The following ARHGAP24 variants were observed in gnomAD, a reference collection of about 807,000 sequenced individuals.
The protein encoded by ARHGAP24 is Rho GTPase activating protein 24.
In ARHGAP24, 50 loss-of-function variants were observed where a neutral mutation model predicts 76.4. The observed-to-expected ratio is 0.65, with a 90% CI of 0.52 to 0.83. The LOEUF is 0.83. ARHGAP24 is among the 40% of genes least tolerant of loss of function. The probability of loss-of-function intolerance (pLI) is 0.00; values close to 1 mark genes in which losing one functional copy is unlikely to be tolerated. For missense variants in ARHGAP24, 930 were observed against 914.2 expected (o/e 1.02, Z -0.22); for synonymous variants, 345 against 323.3 (o/e 1.07, Z -0.72).
At chr4:85,911,889 G>A (rs1323278440) in intron 3 of ARHGAP24, among the ~76,000 whole-genome samples, 1 of 152,154 alleles carries the variant, frequency 6.6e-6, no homozygotes, top group Non-Finnish European at 1.5e-5. Context: ...GCAGATACAG[G>A]TTAACATTCT....
At chr4:85,568,159 A>G (rs552747016) in intron 1 of ARHGAP24, among the ~76,000 whole-genome samples, 14 of 152,294 alleles carry the variant, frequency 9.2e-5, no homozygotes, top group Admixed American at 3.3e-4. Flanking sequence ...TATATTATCA[A>G]TGGTAGGTTG....
chr4:85,908,939 T>C (rs1452365708), intron 3 of ARHGAP24, among the ~76,000 whole-genome samples: 2 of 152,176 alleles, frequency 1.3e-5, no homozygotes, highest in East Asian at 1.9e-4. Flanking sequence ...GGGTCATCCC[T>C]ACCTGAGTTT....
intron 2 of ARHGAP24, 168 bp downstream of exon 2, chr4:85,570,889 A>C: frequency 1.3e-6 from 1 of 750,972 alleles, no homozygotes; most frequent in Non-Finnish European, 2.1e-6. Context: ...GGAGATAATA[A>C]AATCGCTAAT....
chr4:85,843,503 TTAAA>T (rs1364620547), intron 3 of ARHGAP24, among the ~76,000 whole-genome samples: 1 of 151,772 alleles, frequency 6.6e-6, no homozygotes, highest in Non-Finnish European at 1.5e-5. Context: ...TTAAATTTAA[TTAAA>T]TAATATAAAT....
intron 3 of ARHGAP24, among the ~76,000 whole-genome samples, chr4:85,894,866 C>G (rs913393568): frequency 1.3e-5 from 2 of 148,874 alleles, no homozygotes; most frequent in Non-Finnish European, 3.0e-5. Flanking sequence ...GAGGCTGAGG[C>G]AGGAGAATCT....
chr4:85,937,993 C>T (rs1003854321), intron 4 of ARHGAP24, among the ~76,000 whole-genome samples: 1 of 152,146 alleles, frequency 6.6e-6, no homozygotes, highest in Non-Finnish European at 1.5e-5. Context: ...GTATCTATAG[C>T]ATCACAGTCA....
chr4:85,725,903 G>C (rs1560603474), intron 3 of ARHGAP24, among the ~76,000 whole-genome samples: 1 of 152,282 alleles, frequency 6.6e-6, no homozygotes, highest in East Asian at 1.9e-4. Flanking sequence ...AGCAAGGTCA[G>C]TGGCTTGCCA....
At chr4:85,615,606 A>G (rs984369075) in intron 2 of ARHGAP24, among the ~76,000 whole-genome samples, 9 of 152,268 alleles carry the variant, frequency 5.9e-5, no homozygotes, top group Admixed American at 5.9e-4. Flanking sequence ...AAATTGCTGG[A>G]TGTTATTTTT....
In ARHGAP24 at chr4:85,679,130, A is replaced by G. The variant is rs115876667; in HGVS notation, c.181-42755A>G. On this transcript the variant is annotated intron_variant, in intron 2 of 9. Coordinates refer to ENST00000395184, the MANE Select transcript of ARHGAP24 (RefSeq NM_001025616.3). ...ATGGCAAGACAAGTTATATGAGAGG[A>G]AGAAGAGGAGAAACCTGGCTAGCAA... Among the ~76,000 whole-genome samples the G allele has an allele frequency of 5.5e-3, 839 of 152,276 alleles. 10 individuals carry two copies. The highest frequency in any genetic ancestry group is 0.019 in the African/African-American group (773 of 41,560).
At chr4:85,934,357 C>A (rs992134329) in intron 4 of ARHGAP24, among the ~76,000 whole-genome samples, 2 of 152,200 alleles carry the variant, frequency 1.3e-5, no homozygotes, top group African/African-American at 4.8e-5. Flanking sequence ...CATGTCTCTT[C>A]ACTTTGTTTC....
chr4:85,967,615 A>G (rs1349658565), intron 5 of ARHGAP24, among the ~76,000 whole-genome samples: 2 of 152,154 alleles, frequency 1.3e-5, no homozygotes, highest in Non-Finnish European at 2.9e-5. Context: ...CTGGTCTGAT[A>G]GCTCTTTCAC....
intron 1 of ARHGAP24, among the ~76,000 whole-genome samples, chr4:85,554,827 C>T (rs531369839): frequency 1.1e-4 from 10 of 94,856 alleles, no homozygotes; most frequent in South Asian, 5.1e-4. Flanking sequence ...CCCGCTATCA[C>T]GCCCAGCTGA....
At position 85,708,088 on chromosome 4, in the gene ARHGAP24, A is replaced by G. The variant is rs1724387726; in HGVS notation, c.181-13797A>G. The stretch of plus-strand genomic sequence containing the variant: ...CAAAGAAAATCTCCCTGCAAAATGA[A>G]CCTGAAAACTCACAGACATATCAAA... On this transcript the variant is annotated intron_variant, in intron 2 of 9. Transcript: ENST00000395184. Among the ~76,000 whole-genome samples, 3 of 152,098 alleles carry G rather than the reference A, an allele frequency of 2.0e-5. No individual in the cohort carries two copies. The South Asian group carries it at 6.2e-4, about 31-fold the overall frequency.
In ARHGAP24 at chr4:85,683,107, T is replaced by TGGGGGG. The variant is rs1310671945; in HGVS notation, c.181-38777_181-38776insGGGGGG. ...CCATCAACTCTTAACTCTCTCAGTG[T>TGGGGGG]GTGGGGGGGTGGGGGGGGGGTGCGG... On this transcript the variant is annotated intron_variant, in intron 2 of 9. Transcript: ENST00000395184. Among the ~76,000 whole-genome samples, 81 of 12,806 alleles carry TGGGGGG rather than the reference T, an allele frequency of 6.3e-3. 1 individual carries two copies. Among genetic ancestry groups the TGGGGGG allele is most frequent in the Non-Finnish European group, 0.011 (65 of 5,870 alleles). 8.4% of individuals were successfully genotyped at this position (12,806 alleles called of 152,430 possible). A position where few individuals can be genotyped will look rare whatever the true frequency, so the allele number is the denominator to read the frequency against.
At chr4:85,944,990 G>A (rs554350333) in intron 5 of ARHGAP24, among the ~76,000 whole-genome samples, 8 of 152,226 alleles carry the variant, frequency 5.3e-5, no homozygotes, top group East Asian at 1.9e-4. Context: ...TGGGCTACAG[G>A]CATGTGCCAA....
intron 3 of ARHGAP24, among the ~76,000 whole-genome samples, chr4:85,738,668 A>C (rs1725698244): frequency 6.6e-6 from 1 of 152,082 alleles, no homozygotes; most frequent in Non-Finnish European, 1.5e-5. Context: ...TTTTCTTTTA[A>C]GAGTTTTATA....
intron 2 of ARHGAP24, among the ~76,000 whole-genome samples, chr4:85,603,169 C>G: frequency 6.6e-6 from 1 of 152,296 alleles, no homozygotes; most frequent in Non-Finnish European, 1.5e-5. Flanking sequence ...ACATAATTAA[C>G]ATAGCCTTTT....
chr4:85,534,778 C>G (rs998031641), intron 1 of ARHGAP24, among the ~76,000 whole-genome samples: 2 of 152,088 alleles, frequency 1.3e-5, no homozygotes, highest in African/African-American at 4.8e-5. Context: ...TTCCTTATGA[C>G]TTCTCTAACC....
At chr4:85,744,229 A>C (rs1355792632) in intron 3 of ARHGAP24, among the ~76,000 whole-genome samples, 1 of 152,210 alleles carries the variant, frequency 6.6e-6, no homozygotes, top group Non-Finnish European at 1.5e-5. Context: ...AAGACCCTTG[A>C]GTACTTTACT....
Sources: allele counts gnomAD v4.1 joint callset (sites outside exome capture counted in the v4.1 genomes callset), GRCh38; gene constraint gnomAD v4.1.1; transcripts MANE v1.5; gene names NCBI Gene and HGNC (gene_info 2026-07-23, HGNC 2026-07-21).